Variants in POU2AF2 observed in about 807,000 individuals in gnomAD.
The protein encoded by POU2AF2 is POU class 2 homeobox associating factor 2, also known as POU domain class 2-associating factor 2.
At chr11:111,265,571 T>C in the POU2AF2 span, among the ~76,000 whole-genome samples, 39 of 152,276 alleles carry the variant, frequency 2.6e-4, no homozygotes, top group South Asian at 6.2e-4. Flanking sequence ...GAAAGTGAAA[T>C]TTGATAATGT....
chr11:111,254,156 C>T, the POU2AF2 span, among the ~76,000 whole-genome samples: 1 of 152,138 alleles, frequency 6.6e-6, no homozygotes, highest in Admixed American at 6.5e-5. Flanking sequence ...TTAGGCTTTT[C>T]CAAAAGTAGA....
chr11:111,271,851 A>G, the POU2AF2 span, among the ~76,000 whole-genome samples: 49 of 151,992 alleles, frequency 3.2e-4, no homozygotes, highest in Admixed American at 3.2e-3. Context: ...CGTCTCTACT[A>G]AATACAAAAA....
the POU2AF2 span, among the ~76,000 whole-genome samples, chr11:111,249,469 A>G: frequency 3.3e-5 from 5 of 152,194 alleles, no homozygotes; most frequent in African/African-American, 1.2e-4. Context: ...GCAAAATGTA[A>G]GCATTCACTT....
chr11:111,251,515 T>C, the POU2AF2 span, among the ~76,000 whole-genome samples: 17 of 152,358 alleles, frequency 1.1e-4, no homozygotes, highest in East Asian at 3.3e-3. Context: ...TACATCTATA[T>C]GGCATTTAAA....
At chr11:111,285,598 TATC>T in the POU2AF2 span, 1 of 1,561,276 alleles carries the variant, frequency 6.4e-7, no homozygotes. Context: ...GCACACAATG[TATC>T]ATCAGAGTGT....
the POU2AF2 span, among the ~76,000 whole-genome samples, chr11:111,261,848 A>G: frequency 6.6e-6 from 1 of 152,196 alleles, no homozygotes; most frequent in African/African-American, 2.4e-5. Context: ...ATAAATGAAG[A>G]TTTCTGGCTC....
the POU2AF2 span, among the ~76,000 whole-genome samples, chr11:111,274,651 C>T: frequency 5.3e-5 from 8 of 149,820 alleles, no homozygotes; most frequent in Admixed American, 1.3e-4. Context: ...TCTTTGTGAG[C>T]TTTTATATAA....
At chr11:111,266,876 C>G in the POU2AF2 span, among the ~76,000 whole-genome samples, 1 of 152,124 alleles carries the variant, frequency 6.6e-6, no homozygotes, top group Non-Finnish European at 1.5e-5. Flanking sequence ...CTTCACCCAC[C>G]CTATTGCCCT....
At chr11:111,275,630 A>T in the POU2AF2 span, among the ~76,000 whole-genome samples, 10 of 152,322 alleles carry the variant, frequency 6.6e-5, no homozygotes, top group East Asian at 1.9e-3. Flanking sequence ...GTTTCAATCA[A>T]AGATCACCCA....
At chr11:111,246,366 G>A in the POU2AF2 span, among the ~76,000 whole-genome samples, 13 of 152,146 alleles carry the variant, frequency 8.5e-5, no homozygotes, top group African/African-American at 2.9e-4. Flanking sequence ...AGTCTGGGCT[G>A]TTATTTCATG....
chr11:111,259,083 C>T, the POU2AF2 span, among the ~76,000 whole-genome samples: 2 of 152,012 alleles, frequency 1.3e-5, no homozygotes, highest in Non-Finnish European at 2.9e-5. Context: ...AGACAAAAGA[C>T]CAGGCAGCAT....
At chr11:111,247,508 C>T in the POU2AF2 span, among the ~76,000 whole-genome samples, 1 of 152,256 alleles carries the variant, frequency 6.6e-6, no homozygotes, top group Non-Finnish European at 1.5e-5. Flanking sequence ...CATAAATAGG[C>T]CGAGCGTGGT....
the POU2AF2 span, chr11:111,284,274 G>T: frequency 6.2e-7 from 1 of 1,613,890 alleles, no homozygotes; most frequent in Non-Finnish European, 8.5e-7. Flanking sequence ...GGAGACTACC[G>T]GCCTCCGGCG....
At chr11:111,258,581 C>G in the POU2AF2 span, among the ~76,000 whole-genome samples, 2 of 152,188 alleles carry the variant, frequency 1.3e-5, no homozygotes, top group Non-Finnish European at 2.9e-5. Context: ...CTGTGACTAT[C>G]AAGTCACGGA....
chr11:111,270,452 G>A, the POU2AF2 span, among the ~76,000 whole-genome samples: 1 of 152,124 alleles, frequency 6.6e-6, no homozygotes, highest in African/African-American at 2.4e-5. Flanking sequence ...GAGACAGGGT[G>A]CACAAAACCA....
chr11:111,267,544 T>C, the POU2AF2 span, among the ~76,000 whole-genome samples: 1 of 152,204 alleles, frequency 6.6e-6, no homozygotes, highest in African/African-American at 2.4e-5. Context: ...GGCAAGTTAT[T>C]TGAGAGGCTG....
chr11:111,247,191 C>G, the POU2AF2 span, among the ~76,000 whole-genome samples: 16,090 of 144,570 alleles, frequency 0.11, 997 homozygotes, highest in Middle Eastern at 0.25. Flanking sequence ...TACACACACA[C>G]AGAGAGAGAG....
the POU2AF2 span, among the ~76,000 whole-genome samples, chr11:111,267,321 G>T: frequency 6.6e-6 from 1 of 152,086 alleles, no homozygotes; most frequent in Non-Finnish European, 1.5e-5. Context: ...CCCTGGCCTC[G>T]TAGGGCTCTA....
chr11:111,259,160 G>A, the POU2AF2 span, among the ~76,000 whole-genome samples: 1 of 152,084 alleles, frequency 6.6e-6, no homozygotes, highest in African/African-American at 2.4e-5. Context: ...TTTCTCATGT[G>A]TTGTTTCATT....
Sources: allele counts gnomAD v4.1 joint callset (sites outside exome capture counted in the v4.1 genomes callset), GRCh38; gene constraint gnomAD v4.1.1; transcripts MANE v1.5; gene names NCBI Gene and HGNC (gene_info 2026-07-23, HGNC 2026-07-21).